The following STXBP6 variants were observed in gnomAD, a reference collection of about 807,000 sequenced individuals.
STXBP6 encodes syntaxin-binding protein 6.
STXBP6 carries 21 observed loss-of-function variants against 26.9 expected under a neutral mutation model. The ratio of observed to expected loss-of-function variants is 0.78; its 90% confidence interval spans 0.55 to 1.12. The LOEUF (loss-of-function observed/expected upper bound fraction) is 1.12, where lower values mean the gene tolerates loss of function less well. STXBP6 is among the 50% of genes most tolerant of loss of function. STXBP6 has a pLI of 0.00. For synonymous variants in STXBP6, 97 were observed against 92.6 expected (o/e 1.05, Z -0.27); for missense variants, 232 against 257.9 (o/e 0.90, Z 0.69).
At chr14:24,994,459 C>A (rs769918004) in intron 1 of STXBP6, among the ~76,000 whole-genome samples, 6 of 152,198 alleles carry the variant, frequency 3.9e-5, no homozygotes, top group Non-Finnish European at 7.3e-5. Flanking sequence ...CCTTTCCACT[C>A]TTTCAATCCC....
intron 1 of STXBP6, among the ~76,000 whole-genome samples, chr14:25,001,915 A>G (rs56393711): frequency 0.016 from 2,395 of 152,344 alleles, 57 homozygotes; most frequent in African/African-American, 0.052. Context: ...ATATTATTCA[A>G]CTTATCCATA....
chr14:24,855,116 A>T (rs2069281951), intron 4 of STXBP6, among the ~76,000 whole-genome samples: 1 of 152,066 alleles, frequency 6.6e-6, no homozygotes, highest in African/African-American at 2.4e-5. Context: ...AGAGTAATGG[A>T]TTCTGCTGTA....
At position 24,819,154 on chromosome 14, in the gene STXBP6, G is replaced by A. The variant is rs772877027; in HGVS notation, c.492C>T (p.Ser164=). 9 of 1,614,100 alleles carry A rather than the reference G, an allele frequency of 5.6e-6. No individual in the cohort carries two copies. The highest frequency in any genetic ancestry group is 3.3e-5 in the Admixed American group (2 of 60,020). The part of the protein sequence containing the change: ...ILHSAADSVT[S]AVQKASQALN... ...AGGCCTGGCTTGCCTTCTGCACTGC[G>A]CTGGTCACGCTGTCAGCAGCTGAAT... The change falls in exon 5 of 6, where the codon AGC becomes AGT. Residue 164 remains serine (S), a synonymous_variant. Coordinates refer to ENST00000323944, the MANE Select transcript of STXBP6 (RefSeq NM_001394410.1).
At chr14:24,876,584 T>C (rs1332063401) in intron 2 of STXBP6, among the ~76,000 whole-genome samples, 1 of 152,196 alleles carries the variant, frequency 6.6e-6, no homozygotes, top group Non-Finnish European at 1.5e-5. Flanking sequence ...GCAGCAATGA[T>C]GTACTTGTGT....
chr14:24,945,589 A>G (rs1378396601), intron 2 of STXBP6, among the ~76,000 whole-genome samples: 2 of 151,944 alleles, frequency 1.3e-5, no homozygotes, highest in Admixed American at 1.3e-4. Flanking sequence ...ACAAAACAAA[A>G]CAAACAAAAC....
chr14:24,982,723 T>C (rs1462703052), intron 1 of STXBP6, among the ~76,000 whole-genome samples: 1 of 152,222 alleles, frequency 6.6e-6, no homozygotes, highest in Non-Finnish European at 1.5e-5. Flanking sequence ...TCATCTCCTC[T>C]TTCCTTGTTT....
chr14:24,864,662 C>G (rs1257939581), intron 2 of STXBP6, among the ~76,000 whole-genome samples: 1 of 152,046 alleles, frequency 6.6e-6, no homozygotes, highest in Non-Finnish European at 1.5e-5. Flanking sequence ...GAAAGAGTAA[C>G]AGAGAGAGAA....
rs74037459 is a variant in STXBP6 at position 25,020,288 on chromosome 14, A to G, written c.-33+29590T>C. 6.0e-3 allele frequency among the ~76,000 whole-genome samples: 914 copies of G among 152,332 alleles called. 9 individuals are homozygous for G. Among genetic ancestry groups the G allele is most frequent in the African/African-American group, 0.021 (861 of 41,586 alleles). ...AATGACTTACATTTTCTCTAGTAACATAAAGTGATTAAAGATACATTTTTT... is the reference window on the plus strand; with the variant it reads ...AATGACTTACATTTTCTCTAGTAACGTAAAGTGATTAAAGATACATTTTTT... On this transcript the variant is annotated intron_variant, in intron 1 of 5. Transcript: ENST00000323944.
chr14:24,935,409 T>A (rs945004509), intron 2 of STXBP6, among the ~76,000 whole-genome samples: 2 of 152,072 alleles, frequency 1.3e-5, no homozygotes, highest in African/African-American at 4.8e-5. Flanking sequence ...AAAAGCAACA[T>A]CCGTCCCCTG....
chr14:24,976,501 A>G (rs191960695), intron 1 of STXBP6, among the ~76,000 whole-genome samples: 2 of 152,302 alleles, frequency 1.3e-5, no homozygotes, highest in East Asian at 3.9e-4. Context: ...ACATTTTATC[A>G]TCACCACCAG....
rs150340787 is a variant in STXBP6, at chr14:24,985,320, C to T, written c.-32-10470G>A. 2.4e-4 allele frequency among the ~76,000 whole-genome samples: 36 copies of T among 152,326 alleles called. No homozygotes were observed. The Middle Eastern group carries it at 0.01, about 43-fold the overall frequency. On this transcript the variant is annotated intron_variant, in intron 1 of 5. Coordinates refer to ENST00000323944, the MANE Select transcript of STXBP6 (RefSeq NM_001394410.1). Reference sequence around the variant, plus strand: ...TCACAGCTGCTCACCACCATCATTTCGAGACCTGCAGTTTGCAACAGGAGT... The same window carrying T: ...TCACAGCTGCTCACCACCATCATTTTGAGACCTGCAGTTTGCAACAGGAGT...
intron 1 of STXBP6, among the ~76,000 whole-genome samples, chr14:24,981,673 G>A (rs1017320552): frequency 6.6e-6 from 1 of 152,130 alleles, no homozygotes; most frequent in Admixed American, 6.5e-5. Flanking sequence ...AATATGAGTT[G>A]AAACCTTTTG....
At chr14:24,911,229 C>A (rs1004902154) in intron 2 of STXBP6, among the ~76,000 whole-genome samples, 2 of 152,032 alleles carry the variant, frequency 1.3e-5, no homozygotes, top group Non-Finnish European at 1.5e-5. Context: ...CCCAGCTACT[C>A]AGGAGACTGA....
chr14:24,858,995 C>T (rs1343442071), intron 2 of STXBP6, among the ~76,000 whole-genome samples: 1 of 152,132 alleles, frequency 6.6e-6, no homozygotes, highest in Non-Finnish European at 1.5e-5. Context: ...TTATGAGCTC[C>T]TATTTTCACT....
chr14:24,859,080 G>A (rs780776358), intron 2 of STXBP6, among the ~76,000 whole-genome samples: 2 of 152,060 alleles, frequency 1.3e-5, no homozygotes, highest in Non-Finnish European at 2.9e-5. Flanking sequence ...TGTATATTGC[G>A]GGCATGTTTT....
At chr14:24,891,877 TC>T (rs1281255233) in intron 2 of STXBP6, among the ~76,000 whole-genome samples, 1 of 152,188 alleles carries the variant, frequency 6.6e-6, no homozygotes, top group East Asian at 1.9e-4. Flanking sequence ...GCAGAACATT[TC>T]CTCTTCCTGG....
chr14:24,950,075 C>A (rs2073112240), intron 2 of STXBP6, among the ~76,000 whole-genome samples: 1 of 152,146 alleles, frequency 6.6e-6, no homozygotes, highest in Non-Finnish European at 1.5e-5. Context: ...TAAATTTAGT[C>A]TATCTAAAAT....
chr14:24,965,329 G>GT (rs983595139), intron 2 of STXBP6, among the ~76,000 whole-genome samples: 2 of 120,402 alleles, frequency 1.7e-5, no homozygotes, highest in Admixed American at 8.1e-5. Flanking sequence ...ATATTAACAT[G>GT]TTTTTTCTTT....
At chr14:25,030,144 AATTAG>A (rs1449726318) in intron 1 of STXBP6, among the ~76,000 whole-genome samples, 1 of 152,246 alleles carries the variant, frequency 6.6e-6, no homozygotes, top group Non-Finnish European at 1.5e-5. Context: ...ATCCCTTGCC[AATTAG>A]ATAGCATTGG....
Sources: allele counts gnomAD v4.1 joint callset (sites outside exome capture counted in the v4.1 genomes callset), GRCh38; gene constraint gnomAD v4.1.1; transcripts MANE v1.5; gene names NCBI Gene and HGNC (gene_info 2026-07-23, HGNC 2026-07-21).